Variants in GHR observed in about 807,000 individuals in gnomAD.
GHR encodes the protein growth hormone receptor.
GHR carries 35 observed loss-of-function variants against 67.1 expected under a neutral mutation model. The observed-to-expected ratio is 0.52, with a 90% CI of 0.40 to 0.69. GHR has a LOEUF of 0.69. Ranked by LOEUF, GHR falls within the 30% of genes least tolerant of loss-of-function variation. The pLI is 0.00. For missense variants in GHR, 792 were observed against 764.6 expected, an observed-to-expected ratio of 1.04 and a Z score of -0.42; for synonymous variants, 272 against 269.1, an observed-to-expected ratio of 1.01 and a Z score of -0.10.
intron 1 of GHR, among the ~76,000 whole-genome samples, chr5:42,479,074 A>G (rs1579783055): frequency 6.6e-6 from 1 of 152,170 alleles, no homozygotes; most frequent in Non-Finnish European, 1.5e-5. Flanking sequence ...TACCTAATTT[A>G]CTGAGAGTTT....
At chr5:42,430,632 GTGTGTA>G (rs1001606882) in intron 1 of GHR, among the ~76,000 whole-genome samples, 7 of 151,772 alleles carry the variant, frequency 4.6e-5, no homozygotes, top group East Asian at 2.0e-4. Context: ...GTGTGTGTGT[GTGTGTA>G]TGTGTGTGTT....
intron 1 of GHR, among the ~76,000 whole-genome samples, chr5:42,460,568 G>A (rs993822034): frequency 1.3e-5 from 2 of 152,130 alleles, no homozygotes; most frequent in Non-Finnish European, 2.9e-5. Context: ...GACTTTGACG[G>A]TGCTTGTTCC....
rs776908883 is a variant in GHR at position 42,587,023 on chromosome 5, GAA to G, written c.70+21092_70+21093del. 4.3e-3 allele frequency among the ~76,000 whole-genome samples: 582 copies of G among 134,468 alleles called. 5 individuals are homozygous for G. The highest frequency in any genetic ancestry group is 0.015 in the African/African-American group (554 of 37,356). The allele number at this position is 134,468 out of a possible 152,430, so 88.2% of individuals were successfully genotyped here. A position where few individuals can be genotyped will look rare whatever the true frequency, so the allele number is the denominator to read the frequency against. ...ACTGAACCCAAAAGTAATACACACT[GAA>G]AAAAAAAAAAAACTCACTGAATAAA... is the stretch of plus-strand genomic sequence containing the variant. On this transcript the variant is annotated intron_variant, in intron 2 of 9. Transcript: ENST00000230882.
chr5:42,691,355 C>T (rs924223207), intron 4 of GHR, among the ~76,000 whole-genome samples: 5 of 152,200 alleles, frequency 3.3e-5, no homozygotes, highest in Admixed American at 6.5e-5. Context: ...AGCCAAACTA[C>T]TATGAGCCCA....
intron 8 of GHR, among the ~76,000 whole-genome samples, chr5:42,717,780 A>G (rs886285592): frequency 2.0e-5 from 3 of 152,062 alleles, no homozygotes; most frequent in African/African-American, 7.3e-5. Flanking sequence ...AAGCATTAAG[A>G]AAAAAACAAT....
chr5:42,584,138 T>G (rs1751348450), intron 2 of GHR, among the ~76,000 whole-genome samples: 1 of 152,060 alleles, frequency 6.6e-6, no homozygotes, highest in Admixed American at 6.5e-5. Context: ...GGAAAACCCT[T>G]ATGTATTTTT....
intron 1 of GHR, among the ~76,000 whole-genome samples, chr5:42,471,820 G>A (rs1430805653): frequency 6.6e-6 from 1 of 152,148 alleles, no homozygotes; most frequent in African/African-American, 2.4e-5. Flanking sequence ...TCATTTAATG[G>A]CAGGAACAAC....
chr5:42,502,204 A>T (rs1746568143), intron 1 of GHR, among the ~76,000 whole-genome samples: 1 of 152,168 alleles, frequency 6.6e-6, no homozygotes, highest in Non-Finnish European at 1.5e-5. Flanking sequence ...GCTATGATAA[A>T]CCTCAGTGAT....
At chr5:42,468,326 T>C in intron 1 of GHR, 7 of 1,564,832 alleles carry the variant, frequency 4.5e-6, no homozygotes, top group Non-Finnish European at 6.1e-6. Flanking sequence ...GCAGTCATCT[T>C]CTCTGCTCAG....
chr5:42,568,185 T>G (rs1376661103), intron 2 of GHR, among the ~76,000 whole-genome samples: 2 of 152,168 alleles, frequency 1.3e-5, no homozygotes, highest in Admixed American at 6.5e-5. Flanking sequence ...TTTTCTTGCT[T>G]GGGCAGATGA....
chr5:42,508,865 C>T (rs555102962), intron 1 of GHR, among the ~76,000 whole-genome samples: 6 of 152,232 alleles, frequency 3.9e-5, no homozygotes, highest in Admixed American at 2.6e-4. Flanking sequence ...TGAGCCACCG[C>T]GCCCAACCAG....
chr5:42,576,074 TAAAATA>T, intron 2 of GHR, among the ~76,000 whole-genome samples: 1 of 83,934 alleles, frequency 1.2e-5, no homozygotes, highest in African/African-American at 6.8e-5. Flanking sequence ...TAAAATAAAA[TAAAATA>T]AAATAAAATA....
chr5:42,594,224 C>T (rs1751947121), intron 2 of GHR, among the ~76,000 whole-genome samples: 1 of 152,162 alleles, frequency 6.6e-6, no homozygotes, highest in Non-Finnish European at 1.5e-5. Flanking sequence ...TTAGTATCAA[C>T]TTCTGTTTAT....
chr5:42,718,891 G>A lies in GHR; in HGVS notation c.1384G>A (p.Glu462Lys), dbSNP rs2111868360. Residue 462 changes from glutamate (E) to lysine (K), a missense_variant, in exon 10 of 10, where the codon GAA (glutamate) becomes AAA (lysine). Transcript: ENST00000230882. ...AAACAAACCACAACCACTTCCTACTGAAGGAGCTGAGTCAACTCACCAAGC... is the reference window on the plus strand; with the variant it reads ...AAACAAACCACAACCACTTCCTACTAAAGGAGCTGAGTCAACTCACCAAGC... ...EKNKPQPLPT[E>K]GAESTHQAAH... is the part of the protein sequence containing the mutation. 1 of 1,614,074 alleles carries A rather than the reference G, an allele frequency of 6.2e-7. No homozygotes were observed. Among genetic ancestry groups the A allele is most frequent in the Non-Finnish European group, 8.5e-7 (1 of 1,180,000 alleles).
At chr5:42,449,068 G>A (rs533184526) in intron 1 of GHR, among the ~76,000 whole-genome samples, 2 of 152,248 alleles carry the variant, frequency 1.3e-5, no homozygotes, top group Admixed American at 1.3e-4. Flanking sequence ...CAGGTAGTGT[G>A]ATGCCTCCAG....
chr5:42,578,058 C>T (rs1369139232), intron 2 of GHR, among the ~76,000 whole-genome samples: 2 of 152,130 alleles, frequency 1.3e-5, no homozygotes, highest in African/African-American at 4.8e-5. Flanking sequence ...TCAACCTTGG[C>T]ACTATTGAGA....
intron 1 of GHR, among the ~76,000 whole-genome samples, chr5:42,511,749 A>T (rs1399727539): frequency 1.3e-5 from 2 of 151,998 alleles, no homozygotes; most frequent in Non-Finnish European, 2.9e-5. Flanking sequence ...ACCTGGTTTT[A>T]TGTCTTCCTT....
Position 42,637,920 on chromosome 5 carries a change from A to T in GHR, c.136+8817A>T, listed in dbSNP as rs540221546. Among the ~76,000 whole-genome samples the T allele has an allele frequency of 9.9e-5, 15 of 152,136 alleles. No homozygotes were observed. In the South Asian group the frequency reaches 1.7e-3, roughly 17 times the overall value. ...GGCTGAACTAATTTACATTCCCACC[A>T]GCAGCTATAATATGGTTGTTTGTTT... On this transcript the variant is annotated intron_variant, in intron 3 of 9. Transcript: ENST00000230882.
intron 1 of GHR, among the ~76,000 whole-genome samples, chr5:42,534,953 G>T (rs1445062959): frequency 6.6e-6 from 1 of 151,776 alleles, no homozygotes; most frequent in Non-Finnish European, 1.5e-5. Context: ...TTGGCCATTT[G>T]TATATCTTCT....
Sources: gnomAD v4.1 joint callset for allele counts (sites outside exome capture counted in the v4.1 genomes callset) on GRCh38, gnomAD v4.1.1 for gene constraint, MANE v1.5 for transcripts, NCBI Gene and HGNC (gene_info 2026-07-23, HGNC 2026-07-21) for gene names.